LRP8: variants seen among roughly 807,000 people sequenced by gnomAD.
The protein encoded by LRP8 is LDL receptor related protein 8.
Under a neutral mutation model 111.6 loss-of-function variants are expected in LRP8, and 46 were observed. That is an observed-to-expected ratio of 0.41 (90% CI 0.33 to 0.53). LRP8 has a LOEUF of 0.53. Among genes scored for constraint, LRP8 ranks in the 20% least tolerant of loss-of-function variants. The pLI is 0.20. For missense variants in LRP8, 959 were observed against 1,297.4 expected (o/e 0.74, Z 4.01); for synonymous variants, 464 against 511.2 (o/e 0.91, Z 1.24).
rs537182883 is a variant in LRP8, at chr1:53,291,683, A to G, written c.245-1994T>C. 19 of 152,328 alleles carry G rather than the reference A, an allele frequency of 1.2e-4. 1 individual carries two copies. The highest frequency in any genetic ancestry group is 1.2e-3 in the Admixed American group (19 of 15,306). The allele number at this position is 152,328 out of a possible 1,614,324, so 9.4% of individuals were successfully genotyped here. ...AAACTTTTTCTGTGAAGGGCCAGAT[A>G]GTAGCTATTTAGGCTTTGAGGGCCA... On this transcript the variant is annotated intron_variant, in intron 2 of 18. Coordinates refer to ENST00000306052, the MANE Select transcript of LRP8 (RefSeq NM_004631.5).
chr1:53,290,847 C>T (rs1288506), intron 2 of LRP8, among the ~76,000 whole-genome samples: 86,896 of 151,880 alleles, frequency 0.57, 25,611 homozygotes, highest in East Asian at 0.87. Context: ...GGTGGGGGTG[C>T]GGGGGTGTTG....
In LRP8 at chr1:53,249,564, G is replaced by A; in HGVS notation, c.2677-8C>T. The A allele has an allele frequency of 1.3e-6, 2 of 1,584,732 alleles. No individual in the cohort carries two copies. The highest frequency in any genetic ancestry group is 2.3e-5 in the East Asian group (1 of 42,690). On this transcript the variant is annotated splice_polypyrimidine_tract_variant and splice_region_variant and intron_variant, in intron 17 of 18. Transcript: ENST00000306052. The surrounding 1 kb of genome is among the most constrained non-coding windows in gnomAD (Gnocchi z 4.1). Reference sequence around the variant, plus strand: ...ATCAAAGCTGCTGATTGCCTGACAGGGGGATGGCACTGTGGATGACCTCTG... The same window carrying A: ...ATCAAAGCTGCTGATTGCCTGACAGAGGGATGGCACTGTGGATGACCTCTG...
At position 53,289,557 on chromosome 1, in the gene LRP8, C is replaced by T. The variant is rs775666341; in HGVS notation, c.367+10G>A. On this transcript the variant is annotated intron_variant, in intron 3 of 18. Coordinates refer to ENST00000306052, the MANE Select transcript of LRP8 (RefSeq NM_004631.5). ...GCCCACCCCCACCCAGACTGAGGGGCAGGACTCACTGCAAGTGGCCTCGGA... is the reference window on the plus strand; with the variant it reads ...GCCCACCCCCACCCAGACTGAGGGGTAGGACTCACTGCAAGTGGCCTCGGA... 5 of 1,594,004 alleles carry T rather than the reference C, an allele frequency of 3.1e-6. No individual in the cohort carries two copies. In the Admixed American group the frequency reaches 6.9e-5, roughly 22 times the overall value.
chr1:53,280,135 C>A (rs1034630031), intron 4 of LRP8, among the ~76,000 whole-genome samples: 1 of 152,066 alleles, frequency 6.6e-6, no homozygotes, highest in African/African-American at 2.4e-5. Flanking sequence ...CCCCTCCCCC[C>A]AGCATTGCTG....
Position 53,293,257 on chromosome 1 carries a change from C to CT in LRP8, c.245-3569dup, listed in dbSNP as rs35293764. 0.19 allele frequency among the ~76,000 whole-genome samples: 29,385 copies of CT among 152,198 alleles called. 3,550 individuals are homozygous for CT. The highest frequency in any genetic ancestry group is 0.34 in the African/African-American group (14,204 of 41,504). Reference sequence around the variant, plus strand: ...GCCAGAGCAGCCAAAAACACCACTGCTGTCCCAAAGGGCAGCTTTGAGGTC... The same window carrying CT: ...GCCAGAGCAGCCAAAAACACCACTGCTTGTCCCAAAGGGCAGCTTTGAGGTC... On this transcript the variant is annotated intron_variant, in intron 2 of 18. Coordinates refer to ENST00000306052, the MANE Select transcript of LRP8 (RefSeq NM_004631.5). This position sits in a 1 kb window ranked among gnomAD's most constrained non-coding sequence, Gnocchi z 4.9.
chr1:53,285,186 G>A (rs188194456), intron 3 of LRP8, among the ~76,000 whole-genome samples: 97 of 152,278 alleles, frequency 6.4e-4, no homozygotes, highest in Admixed American at 4.2e-3. Flanking sequence ...AGTGGTGAGA[G>A]GCAGATCTGG....
Position 53,311,631 on chromosome 1 carries a change from T to C in LRP8, c.244+15242A>G, listed in dbSNP as rs552634267. On this transcript the variant is annotated intron_variant, in intron 2 of 18. Coordinates refer to ENST00000306052, the MANE Select transcript of LRP8 (RefSeq NM_004631.5). ...CCAGTGTGCTCCCCAGCCCACCCCA[T>C]CTCTCTCTCCCTACTCCTCTGTCTC... 5.4e-5 allele frequency among the ~76,000 whole-genome samples: 8 copies of C among 147,060 alleles called. No individual in the cohort carries two copies. In the South Asian group the frequency reaches 9.4e-4, roughly 17 times the overall value.
chr1:53,263,836 T>A (rs1479954015), intron 10 of LRP8, among the ~76,000 whole-genome samples: 2 of 152,164 alleles, frequency 1.3e-5, no homozygotes, highest in South Asian at 4.1e-4. Context: ...TACCTGTCTT[T>A]GGAAGTATGT....
intron 12 of LRP8, among the ~76,000 whole-genome samples, chr1:53,260,840 C>A (rs760528131): frequency 2.0e-5 from 3 of 152,184 alleles, no homozygotes; most frequent in Non-Finnish European, 4.4e-5. Context: ...ACAGCCACAA[C>A]ATTACTCATT....
chr1:53,254,314 C>T (rs1186702203), intron 16 of LRP8, among the ~76,000 whole-genome samples: 1 of 152,018 alleles, frequency 6.6e-6, no homozygotes, highest in East Asian at 1.9e-4. Flanking sequence ...CCACCCCACC[C>T]TGACCCTTCC....
In LRP8 at chr1:53,317,583, G is replaced by A. The variant is rs951858837; in HGVS notation, c.244+9290C>T. Among the ~76,000 whole-genome samples, 1 of 152,212 alleles carries A rather than the reference G, an allele frequency of 6.6e-6. No individual in the cohort carries two copies. Among genetic ancestry groups the A allele is most frequent in the Non-Finnish European group, 1.5e-5 (1 of 68,022 alleles). On this transcript the variant is annotated intron_variant, in intron 2 of 18. Transcript: ENST00000306052. The surrounding 1 kb of genome is among the most constrained non-coding windows in gnomAD (Gnocchi z 4.9). ...CTCTTGTTGTGTCCTTGGTGGAGGAGGAGGAAAGCTGAGGACGGTTCCTTT... is the reference window on the plus strand; with the variant it reads ...CTCTTGTTGTGTCCTTGGTGGAGGAAGAGGAAAGCTGAGGACGGTTCCTTT...
At chr1:53,252,120 A>G (rs920106045) in intron 16 of LRP8, among the ~76,000 whole-genome samples, 7 of 152,104 alleles carry the variant, frequency 4.6e-5, no homozygotes, top group South Asian at 4.1e-4. Flanking sequence ...AGCTATTTGT[A>G]TTTTTAGAAA....
chr1:53,255,752 A>G (rs996799724), intron 15 of LRP8, among the ~76,000 whole-genome samples: 1 of 152,172 alleles, frequency 6.6e-6, no homozygotes, highest in Non-Finnish European at 1.5e-5. Flanking sequence ...ACTACTCACT[A>G]CCCATGTGAC....
intron 2 of LRP8, among the ~76,000 whole-genome samples, chr1:53,302,385 C>G (rs1450288699): frequency 2.0e-5 from 3 of 152,114 alleles, no homozygotes; most frequent in African/African-American, 7.2e-5. Context: ...GCCTCGGGCT[C>G]ACGTTAGACC....
At chr1:53,254,714 C>G (rs1005327682) in intron 16 of LRP8, among the ~76,000 whole-genome samples, 8 of 152,138 alleles carry the variant, frequency 5.3e-5, no homozygotes, top group Non-Finnish European at 7.4e-5. Context: ...ACAGTATGAC[C>G]TATTAAAGGA....
intron 1 of LRP8, chr1:53,327,492 A>G: frequency 3.1e-6 from 1 of 323,610 alleles, no homozygotes; most frequent in Non-Finnish European, 5.6e-6. Context: ...GGCGAGAATC[A>G]CACAGCTCAT....
At chr1:53,260,308 A>T (rs759111194) in intron 13 of LRP8, among the ~76,000 whole-genome samples, 156 bp downstream of exon 13, 1 of 152,258 alleles carries the variant, frequency 6.6e-6, no homozygotes, top group Non-Finnish European at 1.5e-5. Flanking sequence ...GACAAAATAT[A>T]TGATGAAAAA....
intron 4 of LRP8, among the ~76,000 whole-genome samples, chr1:53,277,292 C>T (rs1284883119): frequency 2.6e-5 from 4 of 152,168 alleles, no homozygotes; most frequent in Non-Finnish European, 4.4e-5. Flanking sequence ...CTTTGTGAGC[C>T]CCCCAGGCCT....
chr1:53,322,129 C>G (rs1654596076), intron 2 of LRP8, among the ~76,000 whole-genome samples: 1 of 152,052 alleles, frequency 6.6e-6, no homozygotes, highest in African/African-American at 2.4e-5. Flanking sequence ...ACAACCTCAC[C>G]CACTGCCATT....
Sources: allele counts gnomAD v4.1 joint callset (sites outside exome capture counted in the v4.1 genomes callset), GRCh38; gene constraint gnomAD v4.1.1; non-coding constraint Gnocchi (gnomAD v3.1); transcripts MANE v1.5; gene names NCBI Gene and HGNC (gene_info 2026-07-23, HGNC 2026-07-21).